The following NFRKB variants were observed in gnomAD, a reference collection of about 807,000 sequenced individuals.
NFRKB encodes nuclear factor related to kappa-B-binding protein.
A neutral mutation model predicts 135.7 loss-of-function variants in NFRKB; 62 were observed. The observed-to-expected ratio is 0.46, with a 90% confidence interval of 0.37 to 0.56. The LOEUF is 0.56. NFRKB is among the 20% of genes least tolerant of loss of function. The probability of loss-of-function intolerance (pLI) is 0.00; values close to 1 mark genes in which losing one functional copy is unlikely to be tolerated. For synonymous variants in NFRKB, 678 were observed against 635.6 expected, an observed-to-expected ratio of 1.07 and a Z score of -1.00; for missense variants, 1,545 against 1,662.0, an observed-to-expected ratio of 0.93 and a Z score of 1.22.
intron 17 of NFRKB, among the ~76,000 whole-genome samples, chr11:129,875,921 T>C (rs1462319861): frequency 1.3e-5 from 2 of 152,180 alleles, no homozygotes; most frequent in African/African-American, 4.8e-5. Context: ...CCTCCCAAAG[T>C]GCTGGGATTA....
chr11:129,883,976 AGACGAGGCAGTGATGCCCCGT>A, intron 8 of NFRKB, 73 bp downstream of exon 8: 1 of 1,284,308 alleles, frequency 7.8e-7, no homozygotes, highest in South Asian at 1.2e-5. Flanking sequence ...GAGGACATAC[AGACGAGGCAGTGATGCCCCGT>A]GTCTTCCTCA....
chr11:129,869,152 CA>C (rs1948365715), intron 24 of NFRKB, among the ~76,000 whole-genome samples: 1 of 152,140 alleles, frequency 6.6e-6, no homozygotes, highest in African/African-American at 2.4e-5. Context: ...CTACCAACAG[CA>C]ATTAGTCTTC....
intron 22 of NFRKB, 134 bp from the exon 23 acceptor site, chr11:129,873,230 CCA>C: frequency 2.9e-6 from 2 of 690,286 alleles, no homozygotes; most frequent in South Asian, 4.2e-5. Context: ...TTAAGGCACA[CCA>C]CTCTCTAAAA....
At chr11:129,881,173 C>G (rs1010534036) in intron 13 of NFRKB, among the ~76,000 whole-genome samples, 1 of 152,272 alleles carries the variant, frequency 6.6e-6, no homozygotes, top group East Asian at 1.9e-4. Context: ...TTGCAAAATA[C>G]CCTTGCAGAT....
At chr11:129,895,190 T>A (rs984470693) in intron 1 of NFRKB, among the ~76,000 whole-genome samples, 2 of 152,062 alleles carry the variant, frequency 1.3e-5, no homozygotes, top group Non-Finnish European at 2.9e-5. Context: ...AGCTAAACCC[T>A]CGGGTCCTTC....
rs75754994 is a variant in NFRKB, at chr11:129,887,381, G to A, written c.338-937C>T. Among the ~76,000 whole-genome samples the A allele has an allele frequency of 6.9e-3, 1,044 of 152,228 alleles. 11 individuals carry two copies. The highest frequency in any genetic ancestry group is 0.023 in the African/African-American group (965 of 41,528). ...AGTATCCTTACAAGCAAGAGGTACCGCAGACACCCCTTAACCAAGTGAGCA... is the reference window on the plus strand; with the variant it reads ...AGTATCCTTACAAGCAAGAGGTACCACAGACACCCCTTAACCAAGTGAGCA... On this transcript the variant is annotated intron_variant, in intron 4 of 26. Coordinates refer to ENST00000682444, the MANE Select transcript of NFRKB (RefSeq NM_001143835.2).
At position 129,870,088 on chromosome 11, in the gene NFRKB, T is replaced by C. The variant is rs1430112678; in HGVS notation, c.2937A>G (p.Thr979=). The C allele has an allele frequency of 1.9e-6, 3 of 1,614,162 alleles. No individual in the cohort carries two copies. Among genetic ancestry groups the C allele is most frequent in the East Asian group, 2.2e-5 (1 of 44,902 alleles). Residue 979 remains threonine, a synonymous_variant, in exon 24 of 27, where the codon ACA becomes ACG. Coordinates refer to ENST00000682444, the MANE Select transcript of NFRKB (RefSeq NM_001143835.2). ...VLRITPDMMA[T]LAKSQVTTVK... ...CTGTGGTAACCTGGGACTTGGCCAA[T>C]GTGGCCATCATGTCCGGAGTGATTC...
intron 13 of NFRKB, among the ~76,000 whole-genome samples, chr11:129,880,344 T>C (rs1195477683): frequency 6.6e-6 from 1 of 152,190 alleles, no homozygotes; most frequent in Non-Finnish European, 1.5e-5. Context: ...TTCTCCTTCA[T>C]TCCCCACAGC....
At chr11:129,882,256 AG>A (rs1949064228) in intron 10 of NFRKB, 62 bp from the exon 11 acceptor site, 2 of 1,455,884 alleles carry the variant, frequency 1.4e-6, no homozygotes, top group African/African-American at 2.8e-5. Flanking sequence ...AGATTGATTC[AG>A]GCGCCCAAGC....
chr11:129,873,233 C>T, intron 22 of NFRKB, 137 bp from the exon 23 acceptor site: 1 of 681,562 alleles, frequency 1.5e-6, no homozygotes, highest in Non-Finnish European at 2.4e-6. Flanking sequence ...AGGCACACCA[C>T]TCTCTAAAAT....
chr11:129,874,279 G>C lies in NFRKB; in HGVS notation c.2113C>G (p.Gln705Glu), dbSNP rs563376996. ...GAGTCACTGAGGCTCATCTGGCTCTGCTCAGAAGGGCCACTGCTAAGGACC... is the reference window on the plus strand; with the variant it reads ...GAGTCACTGAGGCTCATCTGGCTCTCCTCAGAAGGGCCACTGCTAAGGACC... ...IKVLSSGPSE[Q>E]SQMSLSDSSM... Residue 705 changes from glutamine (Q) to glutamate (E), a missense_variant, in exon 21 of 27, where the codon CAG (glutamine) becomes GAG (glutamate). By Grantham distance (29) the Gln-to-Glu change is conservative. Coordinates refer to ENST00000682444, the MANE Select transcript of NFRKB (RefSeq NM_001143835.2). The surrounding 1 kb of genome is among the most constrained non-coding windows in gnomAD (Gnocchi z 4.5). 1.3e-6 allele frequency: 2 copies of C among 1,516,570 alleles called. No individual in the cohort carries two copies. Among genetic ancestry groups the C allele is most frequent in the Admixed American group, 4.5e-5 (2 of 44,004 alleles). The allele number at this position is 1,516,570 out of a possible 1,614,324, so 93.9% of individuals were successfully genotyped here. A position where few individuals can be genotyped will look rare whatever the true frequency, so the allele number is the denominator to read the frequency against.
intron 2 of NFRKB, among the ~76,000 whole-genome samples, chr11:129,893,555 C>CAAA (rs572820032): frequency 6.8e-4 from 63 of 92,780 alleles, no homozygotes; most frequent in African/African-American, 2.2e-3. Flanking sequence ...GACCCTGTCT[C>CAAA]AAAAAAAAAA....
intron 4 of NFRKB, chr11:129,888,341 T>G (rs983977975): frequency 1.6e-6 from 1 of 642,136 alleles, no homozygotes; most frequent in Non-Finnish European, 2.8e-6. Flanking sequence ...TTTTATTTTT[T>G]TATGTAGATG....
At chr11:129,875,112 A>T (rs1172570272) in intron 18 of NFRKB, among the ~76,000 whole-genome samples, 196 bp from the exon 19 acceptor site, 1 of 152,172 alleles carries the variant, frequency 6.6e-6, no homozygotes, top group Non-Finnish European at 1.5e-5. Context: ...TGAGGTATTG[A>T]TCTATTTTTA....
rs138148735 is a variant in NFRKB at position 129,865,505 on chromosome 11, T to C, written c.3638+372A>G. Among the ~76,000 whole-genome samples the C allele has an allele frequency of 4.3e-3, 652 of 152,308 alleles. 5 individuals are homozygous for C. Among genetic ancestry groups the C allele is most frequent in the African/African-American group, 0.015 (620 of 41,566 alleles). On this transcript the variant is annotated intron_variant, in intron 25 of 26. Transcript: ENST00000682444. ...AAATTAAGGCCACAGGTGGCCCTCA[T>C]TCCCTGAACTGCTTAGGTTCAGAGC...
At chr11:129,876,034 A>G (rs1187916349) in intron 17 of NFRKB, among the ~76,000 whole-genome samples, 1 of 152,178 alleles carries the variant, frequency 6.6e-6, no homozygotes, top group Non-Finnish European at 1.5e-5. Flanking sequence ...GGGAAGCAAA[A>G]TTACATCTTA....
At chr11:129,879,377 C>T (rs1182614144) in intron 13 of NFRKB, among the ~76,000 whole-genome samples, 1 of 152,172 alleles carries the variant, frequency 6.6e-6, no homozygotes, top group African/African-American at 2.4e-5. Context: ...GGTATATGTG[C>T]TCCCTCCATG....
At position 129,874,687 on chromosome 11, in the gene NFRKB, A is replaced by G. The variant is rs1948679666; in HGVS notation, c.1978+106T>C. On this transcript the variant is annotated intron_variant, in intron 19 of 26. Coordinates refer to ENST00000682444, the MANE Select transcript of NFRKB (RefSeq NM_001143835.2). The surrounding 1 kb of genome is among the most constrained non-coding windows in gnomAD (Gnocchi z 4.5). ...TGCCAGTGGACTGAATCCTGCCTCT[A>G]CCATCTTGTCCTACCTATATGCCAA... 5.0e-6 allele frequency: 8 copies of G among 1,603,272 alleles called. No homozygotes were observed. Among genetic ancestry groups the G allele is most frequent in the Non-Finnish European group, 6.8e-6 (8 of 1,172,040 alleles).
chr11:129,877,694 G>A lies in NFRKB; in HGVS notation c.1512-309C>T, dbSNP rs192380960. On this transcript the variant is annotated intron_variant, in intron 15 of 26. Coordinates refer to ENST00000682444, the MANE Select transcript of NFRKB (RefSeq NM_001143835.2). ...CCGTTCTAAAGGCAACAAACAATTCGGCCTTAGAGGAACAAAGGGCTTCAG... is the reference window on the plus strand; with the variant it reads ...CCGTTCTAAAGGCAACAAACAATTCAGCCTTAGAGGAACAAAGGGCTTCAG... Among the ~76,000 whole-genome samples the A allele has an allele frequency of 5.3e-5, 8 of 151,946 alleles. No homozygotes were observed. In the South Asian group the frequency reaches 6.2e-4, roughly 12 times the overall value.
Sources: gnomAD v4.1 joint callset for allele counts (sites outside exome capture counted in the v4.1 genomes callset) on GRCh38, gnomAD v4.1.1 for gene constraint, Gnocchi (gnomAD v3.1) non-coding constraint, MANE v1.5 for transcripts, NCBI Gene and HGNC (gene_info 2026-07-23, HGNC 2026-07-21) for gene names.